Variants in POLL observed in about 807,000 individuals in gnomAD.
POLL encodes the protein DNA polymerase beta-2.
Under a neutral mutation model 58.1 loss-of-function variants are expected in POLL, and 44 were observed. The ratio of observed to expected loss-of-function variants is 0.76; its 90% CI spans 0.60 to 0.97. The LOEUF (loss-of-function observed/expected upper bound fraction) is 0.97, where lower values mean the gene tolerates loss of function less well. Ranked by LOEUF, POLL falls within the 50% of genes least tolerant of loss-of-function variation. The probability of loss-of-function intolerance (pLI) is 0.00; values close to 1 mark genes in which losing one functional copy is unlikely to be tolerated. For synonymous variants in POLL, 290 were observed against 283.2 expected, an observed-to-expected ratio of 1.02 and a Z score of -0.24; for missense variants, 632 against 736.8, an observed-to-expected ratio of 0.86 and a Z score of 1.65.
rs762313389 is a variant in POLL, at chr10:101,584,487, T to C, written c.891+115A>G. On this transcript the variant is annotated intron_variant, in intron 5 of 8. Transcript: ENST00000370162. ...CTGCTTTCATCAATTTTCCTTTTTTTTCTTTTGTGCAAGTCCTAGACCCCA... is the reference window on the plus strand; with the variant it reads ...CTGCTTTCATCAATTTTCCTTTTTTCTCTTTTGTGCAAGTCCTAGACCCCA... 2.1e-5 allele frequency: 13 copies of C among 613,922 alleles called. 1 individual carries two copies. The highest frequency in any genetic ancestry group is 7.5e-5 in the African/African-American group (4 of 52,998). The allele number at this position is 613,922 out of a possible 1,614,324, so 38.0% of individuals were successfully genotyped here.
rs570211459 is a variant in POLL at position 101,580,468 on chromosome 10, C to G, written c.1195-52G>C. On this transcript the variant is annotated intron_variant, in intron 7 of 8. Transcript: ENST00000370162. This position sits in a 1 kb window ranked among gnomAD's most constrained non-coding sequence, Gnocchi z 4.1. ...GGGGCTGTGCGTGGGGAGCTCCTCT[C>G]CCACAGCAGTACAAGGGCCTTCCCA... 2.6e-6 allele frequency: 4 copies of G among 1,554,144 alleles called. No individual in the cohort carries two copies. Among genetic ancestry groups the G allele is most frequent in the Non-Finnish European group, 3.5e-6 (4 of 1,133,002 alleles).
In POLL at chr10:101,580,224, C is replaced by T. The variant is rs761314324; in HGVS notation, c.1363+24G>A. 1.0e-5 allele frequency: 16 copies of T among 1,598,762 alleles called. 1 individual carries two copies. The African/African-American group carries it at 2.0e-4, about 20-fold the overall frequency. On this transcript the variant is annotated intron_variant, in intron 8 of 8. Coordinates refer to ENST00000370162, the MANE Select transcript of POLL (RefSeq NM_001174084.2). The surrounding 1 kb of genome is among the most constrained non-coding windows in gnomAD (Gnocchi z 4.1). ...ACCTGTGCTGCCCTCTGTCAACCTG[C>T]TCACCCAGAGATGGAGCTTATACCT...
In POLL at chr10:101,584,904, C is replaced by T; in HGVS notation, c.589G>A (p.Glu197Lys). The change falls in exon 5 of 9, where the codon GAA becomes AAA. Residue 197 changes from glutamate to lysine, a missense_variant. Coordinates refer to ENST00000370162, the MANE Select transcript of POLL (RefSeq NM_001174084.2). ...TGGGTTTCTTCCCCATCACTGGCTTCATCATCAGAGATGGGCTTGGGATAG... is the reference window on the plus strand; with the variant it reads ...TGGGTTTCTTCCCCATCACTGGCTTTATCATCAGAGATGGGCTTGGGATAG... ...NTQAQPISDDEASDGEETQVS... is the reference protein window; with the variant it reads ...NTQAQPISDDKASDGEETQVS... 7.0e-7 allele frequency: 1 copy of T among 1,419,298 alleles called. No individual in the cohort carries two copies. The highest frequency in any genetic ancestry group is 2.5e-5 in the East Asian group (1 of 39,772). 87.9% of individuals were successfully genotyped at this position (1,419,298 alleles called of 1,614,324 possible).
chr10:101,582,011 T>C (rs981143072), intron 7 of POLL: 1 of 152,216 alleles, frequency 6.6e-6, no homozygotes, highest in Non-Finnish European at 1.5e-5. Flanking sequence ...TTTCGCCATG[T>C]TTGCCAGGCT....
chr10:101,584,525 C>T, intron 5 of POLL, 77 bp downstream of exon 5: 2 of 1,048,322 alleles, frequency 1.9e-6, no homozygotes, highest in Middle Eastern at 2.8e-4. Flanking sequence ...AAATCTTCAC[C>T]ACTGTACCTG....
In POLL at chr10:101,587,949, C is replaced by T; in HGVS notation, c.-174G>A. ...GCCGCAGCTGCGGGGAGATGGGGCA[C>T]GGCCGCAGCAGGTGTGGGGAGCCCT... On this transcript the variant is annotated 5_prime_UTR_variant, in exon 1 of 9. The change creates a new upstream start codon in the 5' untranslated region. Coordinates refer to ENST00000370162, the MANE Select transcript of POLL (RefSeq NM_001174084.2). 2 of 1,248,418 alleles carry T rather than the reference C, an allele frequency of 1.6e-6. No homozygotes were observed. Among genetic ancestry groups the T allele is most frequent in the Non-Finnish European group, 2.1e-6 (2 of 968,906 alleles). The allele number at this position is 1,248,418 out of a possible 1,614,324, so 77.3% of individuals were successfully genotyped here. A position where few individuals can be genotyped will look rare whatever the true frequency, so the allele number is the denominator to read the frequency against.
chr10:101,583,431 G>A, intron 6 of POLL, 77 bp downstream of exon 6: 1 of 1,483,898 alleles, frequency 6.7e-7, no homozygotes, highest in Non-Finnish European at 9.3e-7. Flanking sequence ...GGGATCTGGG[G>A]CAGAGCACAG....
In POLL at chr10:101,580,289, C is replaced by G. The variant is rs1175144747; in HGVS notation, c.1322G>C (p.Arg441Pro). ...LITHPDGRSH[R>P]GIFSRLLDSL... ...GTCAAGGAGGCGGCTGAAGATACCC[C>G]GGTGGGACCGGCCATCTGGGTGAGT... Residue 441 changes from arginine to proline, a missense_variant, in exon 8 of 9, where the codon CGG becomes CCG. Transcript: ENST00000370162. The surrounding 1 kb of genome is among the most constrained non-coding windows in gnomAD (Gnocchi z 4.1). 4 of 1,614,000 alleles carry G rather than the reference C, an allele frequency of 2.5e-6. No homozygotes were observed. The highest frequency in any genetic ancestry group is 2.5e-6 in the Non-Finnish European group (3 of 1,179,996).
chr10:101,583,632 A>C lies in POLL; in HGVS notation c.941T>G (p.Ile314Arg). ...CAAATGCCCGCTCTCCAGGATCTCT[A>C]TGATTTTCTCAGCCATCCGCTTCCC... ...GIGKRMAEKI[I>R]EILESGHLRK... Residue 314 changes from isoleucine to arginine, a missense_variant, in exon 6 of 9, where the codon ATA becomes AGA. By Grantham distance (97) the Ile-to-Arg change is moderately conservative (BLOSUM62 -3). Coordinates refer to ENST00000370162, the MANE Select transcript of POLL (RefSeq NM_001174084.2). 2 of 1,614,170 alleles carry C rather than the reference A, an allele frequency of 1.2e-6. No individual in the cohort carries two copies. Among genetic ancestry groups the C allele is most frequent in the Non-Finnish European group, 1.7e-6 (2 of 1,180,046 alleles).
chr10:101,579,532 A>C lies in POLL; in HGVS notation c.1649T>G (p.Val550Gly). 3.1e-6 allele frequency: 5 copies of C among 1,613,402 alleles called. No individual in the cohort carries two copies. Among genetic ancestry groups the C allele is most frequent in the Non-Finnish European group, 4.2e-6 (5 of 1,179,908 alleles). The part of the protein sequence containing the change: ...THGCKVGPGR[V>G]LPTPTEKDVF... ...ATCCTTCTCAGTGGGAGTGGGCAGC[A>C]CTCGGCCAGGCCCCACCTTGCAGCC... The change falls in exon 9 of 9, where the codon GTG (valine) becomes GGG (glycine). Residue 550 changes from valine to glycine, a missense_variant. Val to Gly is a moderately radical substitution (Grantham distance 109). Transcript: ENST00000370162. The surrounding 1 kb of genome is among the most constrained non-coding windows in gnomAD (Gnocchi z 4.4).
At position 101,582,800 on chromosome 10, in the gene POLL, C is replaced by T. The variant is rs369790337; in HGVS notation, c.1157G>A (p.Arg386His). The T allele has an allele frequency of 6.4e-5, 103 of 1,614,156 alleles. No individual in the cohort carries two copies. Among genetic ancestry groups the T allele is most frequent in the Non-Finnish European group, 8.3e-5 (98 of 1,179,980 alleles). The change falls in exon 7 of 9, where the codon CGT becomes CAT. Residue 386 changes from arginine to histidine, a missense_variant. Coordinates refer to ENST00000370162, the MANE Select transcript of POLL (RefSeq NM_001174084.2). ...CTCTGTAGCCTCCTCCCTGGGCATA[C>T]GTTCCAGGAAGTCACTGTAATGCTT... ...GLKHYSDFLE[R>H]MPREEATEIE...
At chr10:101,587,113 C>G (rs773936824) in intron 2 of POLL, 133 bp downstream of exon 2, 28 of 1,601,602 alleles carry the variant, frequency 1.7e-5, no homozygotes, top group Non-Finnish European at 2.6e-6. Flanking sequence ...AAGGTAGATA[C>G]AAACAGACCT....
At chr10:101,584,421 G>A (rs764789623) in intron 5 of POLL, among the ~76,000 whole-genome samples, 181 bp downstream of exon 5, 14 of 152,078 alleles carry the variant, frequency 9.2e-5, no homozygotes, top group Admixed American at 2.0e-4. Context: ...CCCAAGTATC[G>A]TACATCTCCC....
intron 6 of POLL, chr10:101,583,112 T>C (rs2063096727): frequency 4.8e-6 from 3 of 630,314 alleles, no homozygotes; most frequent in Non-Finnish European, 5.8e-6. Flanking sequence ...AAGATGCTCG[T>C]TCATGATTCC....
rs1452765930 is a variant in POLL at position 101,585,008 on chromosome 10, G to A, written c.574-89C>T. The A allele has an allele frequency of 9.0e-6, 8 of 884,888 alleles. No individual in the cohort carries two copies. In the South Asian group the frequency reaches 1.1e-4, roughly 13 times the overall value. The allele number at this position is 884,888 out of a possible 1,614,324, so 54.8% of individuals were successfully genotyped here. A position where few individuals can be genotyped will look rare whatever the true frequency, so the allele number is the denominator to read the frequency against. On this transcript the variant is annotated intron_variant, in intron 4 of 8. Coordinates refer to ENST00000370162, the MANE Select transcript of POLL (RefSeq NM_001174084.2). The stretch of plus-strand genomic sequence containing the variant: ...GTGGGGGTCATCTTCTTTGTGCGGG[G>A]GGAGGGTCTTCTAGTCAGACCTAAG...
At chr10:101,587,619 C>T in intron 1 of POLL, 1 of 1,028,414 alleles carries the variant, frequency 9.7e-7, no homozygotes, top group Non-Finnish European at 1.3e-6. Flanking sequence ...GAGGGGAAGG[C>T]TGGTGCCATC....
chr10:101,582,741 C>CTGGCTG, intron 7 of POLL, 22 bp downstream of exon 7: 1 of 1,610,294 alleles, frequency 6.2e-7, no homozygotes, highest in Non-Finnish European at 8.5e-7. Flanking sequence ...GCTGTCCTCA[C>CTGGCTG]TGCTCTGGGA....
At chr10:101,585,499 G>A (rs758601018) in intron 3 of POLL, 21 bp from the exon 4 acceptor site, 5 of 1,501,670 alleles carry the variant, frequency 3.3e-6, no homozygotes, top group Non-Finnish European at 4.4e-6. Context: ...GGTGATGGGA[G>A]GTTAAGACAC....
intron 5 of POLL, 61 bp downstream of exon 5, chr10:101,584,541 C>T: frequency 8.0e-7 from 1 of 1,246,128 alleles, no homozygotes; most frequent in East Asian, 2.4e-5. Context: ...ACCTGAACCC[C>T]ACTGGGGTTA....
Sources: gnomAD v4.1 joint callset for allele counts (sites outside exome capture counted in the v4.1 genomes callset) on GRCh38, gnomAD v4.1.1 for gene constraint, Gnocchi (gnomAD v3.1) non-coding constraint, MANE v1.5 for transcripts, NCBI Gene and HGNC (gene_info 2026-07-23, HGNC 2026-07-21) for gene names.